Variants in CRPPA observed in about 807,000 individuals in gnomAD.
CRPPA encodes D-ribitol-5-phosphate cytidylyltransferase.
In CRPPA, 43 loss-of-function variants were observed where a neutral mutation model predicts 52.0. The observed-to-expected ratio is 0.83, with a 90% confidence interval of 0.65 to 1.07. The LOEUF is 1.07. Ranked by LOEUF, CRPPA falls within the 50% of genes least tolerant of loss-of-function variation. The pLI is 0.00. For missense variants in CRPPA, 629 were observed against 551.7 expected (o/e 1.14, Z -1.40); for synonymous variants, 250 against 203.5 (o/e 1.23, Z -1.94).
chr7:16,320,948 A>C (rs1468290968), intron 3 of CRPPA, among the ~76,000 whole-genome samples: 3 of 152,170 alleles, frequency 2.0e-5, no homozygotes, highest in Non-Finnish European at 4.4e-5. Flanking sequence ...AGTATGAATG[A>C]TCTGGCTAAG....
At chr7:16,102,835 G>A (rs1184451696) in intron 9 of CRPPA, among the ~76,000 whole-genome samples, 1 of 152,126 alleles carries the variant, frequency 6.6e-6, no homozygotes, top group Non-Finnish European at 1.5e-5. Flanking sequence ...GGAGAAATAG[G>A]AACACTTTTA....
At chr7:16,156,942 G>A (rs1054091750) in intron 9 of CRPPA, among the ~76,000 whole-genome samples, 1 of 152,138 alleles carries the variant, frequency 6.6e-6, no homozygotes, top group East Asian at 1.9e-4. Context: ...GCTCCAAAGA[G>A]GTGACATCTT....
chr7:16,160,234 C>T (rs1184516595), intron 9 of CRPPA, among the ~76,000 whole-genome samples: 1 of 152,174 alleles, frequency 6.6e-6, no homozygotes, highest in Non-Finnish European at 1.5e-5. Context: ...GTCATGAAGT[C>T]TCTGCCTATG....
intron 5 of CRPPA, among the ~76,000 whole-genome samples, chr7:16,300,961 A>G (rs2128422824): frequency 6.6e-6 from 1 of 152,322 alleles, no homozygotes; most frequent in South Asian, 2.1e-4. Flanking sequence ...AGTCATTGTC[A>G]GAACCCAAAA....
chr7:16,338,438 T>C (rs534431721), intron 3 of CRPPA, among the ~76,000 whole-genome samples: 2 of 152,260 alleles, frequency 1.3e-5, no homozygotes, highest in South Asian at 2.1e-4. Context: ...TCATTCTCAA[T>C]GGCAAAGAGT....
chr7:16,311,550 C>T (rs1465742428), intron 3 of CRPPA, among the ~76,000 whole-genome samples: 1 of 152,010 alleles, frequency 6.6e-6, no homozygotes, highest in Non-Finnish European at 1.5e-5. Context: ...TCTTGATGTA[C>T]CACAGTTTGT....
chr7:16,324,601 T>C (rs1785337388), intron 3 of CRPPA, among the ~76,000 whole-genome samples: 1 of 152,190 alleles, frequency 6.6e-6, no homozygotes, highest in Non-Finnish European at 1.5e-5. Context: ...CCTTGCCACC[T>C]TGAAGGCACC....
chr7:16,233,225 G>A (rs1295175), intron 8 of CRPPA, among the ~76,000 whole-genome samples: 51,094 of 151,944 alleles, frequency 0.34, 9,948 homozygotes, highest in African/African-American at 0.55. Flanking sequence ...TAATAAACAG[G>A]TAATAAGAGT....
At chr7:16,171,407 T>A (rs1225110800) in intron 9 of CRPPA, among the ~76,000 whole-genome samples, 1 of 152,196 alleles carries the variant, frequency 6.6e-6, no homozygotes, top group East Asian at 1.9e-4. Flanking sequence ...AAACTCAAAA[T>A]TTTTCCAACT....
chr7:16,384,847 G>C (rs886498740), intron 2 of CRPPA, among the ~76,000 whole-genome samples: 11 of 152,166 alleles, frequency 7.2e-5, no homozygotes, highest in African/African-American at 2.7e-4. Context: ...CTGCCTATGA[G>C]AAGGCCCCAC....
chr7:16,185,942 A>G (rs569624734), intron 9 of CRPPA, among the ~76,000 whole-genome samples: 5 of 152,194 alleles, frequency 3.3e-5, no homozygotes, highest in Admixed American at 6.6e-5. Context: ...CATAAGCATG[A>G]CTGTACATAT....
At chr7:16,341,811 T>A (rs1345211206) in intron 3 of CRPPA, among the ~76,000 whole-genome samples, 3 of 152,198 alleles carry the variant, frequency 2.0e-5, no homozygotes, top group Non-Finnish European at 4.4e-5. Flanking sequence ...AGTGATGGTT[T>A]AACCTTTCTT....
intron 3 of CRPPA, among the ~76,000 whole-genome samples, chr7:16,340,130 A>G (rs1284893814): frequency 2.0e-5 from 3 of 152,240 alleles, no homozygotes; most frequent in East Asian, 3.9e-4. Flanking sequence ...CTAAATATAA[A>G]ATACATAACT....
intron 1 of CRPPA, among the ~76,000 whole-genome samples, chr7:16,407,814 T>C (rs1407853622): frequency 6.6e-6 from 1 of 152,008 alleles, no homozygotes; most frequent in Non-Finnish European, 1.5e-5. Context: ...CACTGAGACA[T>C]TATCAGCATC....
chr7:16,178,831 A>G (rs1198574101), intron 9 of CRPPA, among the ~76,000 whole-genome samples: 3 of 152,134 alleles, frequency 2.0e-5, no homozygotes, highest in African/African-American at 7.2e-5. Flanking sequence ...TACGAACATC[A>G]TGTATTAATT....
At chr7:16,144,817 G>GTGGTC in intron 9 of CRPPA, among the ~76,000 whole-genome samples, 1 of 152,174 alleles carries the variant, frequency 6.6e-6, no homozygotes, top group Non-Finnish European at 1.5e-5. Context: ...CGTCAACAGT[G>GTGGTC]CAGAGCTAAG....
At chr7:16,404,649 C>T (rs1419469224) in intron 2 of CRPPA, among the ~76,000 whole-genome samples, 1 of 151,638 alleles carries the variant, frequency 6.6e-6, no homozygotes. Context: ...GTATAATATG[C>T]GTTGCAATGA....
intron 9 of CRPPA, among the ~76,000 whole-genome samples, chr7:16,174,744 G>A (rs537410605): frequency 6.6e-5 from 10 of 152,058 alleles, no homozygotes; most frequent in South Asian, 4.2e-4. Context: ...ATGGAATTCT[G>A]TAAAGATAAG....
intron 5 of CRPPA, among the ~76,000 whole-genome samples, chr7:16,281,613 G>A (rs371572010): frequency 2.0e-5 from 3 of 151,992 alleles, no homozygotes; most frequent in African/African-American, 4.8e-5. Flanking sequence ...TATACTATTC[G>A]CACATAATGA....
Sources: gnomAD v4.1 joint callset for allele counts (sites outside exome capture counted in the v4.1 genomes callset) on GRCh38, gnomAD v4.1.1 for gene constraint, MANE v1.5 for transcripts, NCBI Gene and HGNC (gene_info 2026-07-23, HGNC 2026-07-21) for gene names.